PCDH15: variants seen among roughly 807,000 people sequenced by gnomAD.
The protein encoded by PCDH15 is protocadherin related 15, also known as protocadherin-15.
In PCDH15, 129 loss-of-function variants were observed where a neutral mutation model predicts 178.5. That is an observed-to-expected ratio of 0.72 (90% CI 0.63 to 0.84). The LOEUF is 0.84. Among genes scored for constraint, PCDH15 ranks in the 40% least tolerant of loss-of-function variants. The pLI is 0.00. For synonymous variants in PCDH15, 800 were observed against 732.0 expected (o/e 1.09, Z -1.50); for missense variants, 2,230 against 2,099.9 (o/e 1.06, Z -1.21).
At chr10:54,845,550 C>T (rs796585536) in intron 3 of PCDH15, among the ~76,000 whole-genome samples, 16 of 152,128 alleles carry the variant, frequency 1.1e-4, no homozygotes, top group African/African-American at 3.6e-4. Context: ...TGTAATTGGG[C>T]AGGGAATAGC....
chr10:54,741,705 T>TTGGCTCA (rs1944828046), intron 1 of PCDH15, among the ~76,000 whole-genome samples: 1 of 152,074 alleles, frequency 6.6e-6, no homozygotes, highest in African/African-American at 2.4e-5. Flanking sequence ...GTCACATTGC[T>TTGGCTCA]TGGCTCATGG....
At chr10:54,674,127 A>C (rs1451756939) in intron 1 of PCDH15, among the ~76,000 whole-genome samples, 1 of 152,190 alleles carries the variant, frequency 6.6e-6, no homozygotes, top group Non-Finnish European at 1.5e-5. Context: ...CATTCTATAC[A>C]TATAACTTTT....
At chr10:53,839,737 TTTTC>T (rs201924631) in intron 29 of PCDH15, among the ~76,000 whole-genome samples, 3,466 of 152,190 alleles carry the variant, frequency 0.023, 59 homozygotes, top group African/African-American at 0.039. Context: ...AGTAGCAGGA[TTTTC>T]TTTAAGATTC....
intron 1 of PCDH15, among the ~76,000 whole-genome samples, chr10:54,684,406 G>A: frequency 6.6e-6 from 1 of 151,788 alleles, no homozygotes; most frequent in African/African-American, 2.4e-5. Flanking sequence ...TTTACTATTT[G>A]GATGTTTACA....
chr10:54,612,598 A>T (rs2134267060), intron 2 of PCDH15, among the ~76,000 whole-genome samples: 1 of 151,862 alleles, frequency 6.6e-6, no homozygotes, highest in Admixed American at 6.6e-5. Flanking sequence ...TGAAAAACAA[A>T]CTGCAGAATA....
intron 1 of PCDH15, among the ~76,000 whole-genome samples, chr10:55,229,824 T>C (rs1388746384): frequency 1.3e-5 from 2 of 152,010 alleles, no homozygotes; most frequent in African/African-American, 4.8e-5. Context: ...GGGGTTCTAG[T>C]TTGAGCAGAC....
At position 54,811,740 on chromosome 10, in the gene PCDH15, A is replaced by G. The variant is rs146070819; in HGVS notation, c.-29+85710T>C. Among the ~76,000 whole-genome samples the G allele has an allele frequency of 3.2e-3, 491 of 152,296 alleles. 1 individual carries two copies. The highest frequency in any genetic ancestry group is 0.011 in the African/African-American group (462 of 41,556). On this transcript the variant is annotated intron_variant, in intron 3 of 5. Transcript: ENST00000458638. The stretch of plus-strand genomic sequence containing the variant: ...CGCCTCCGCCTCCCAAACTGCTGGG[A>G]TTACAGGCGTGAGCCACCGCACCTG...
rs558193227 is a variant in PCDH15, at chr10:54,967,457, AT to A, written c.-79-69958del. Reference sequence around the variant, plus strand: ...TTCTTTTGCCAATGTAACAGTATTGATTTTTTTATAATTACATATAAATAAA... The same window carrying A: ...TTCTTTTGCCAATGTAACAGTATTGATTTTTTATAATTACATATAAATAAA... On this transcript the variant is annotated intron_variant, in intron 2 of 5. Transcript: ENST00000458638. 6.9e-4 allele frequency among the ~76,000 whole-genome samples: 105 copies of A among 152,162 alleles called. 1 individual carries two copies. Among genetic ancestry groups the A allele is most frequent in the Non-Finnish European group, 4.9e-4 (33 of 67,966 alleles).
At chr10:54,244,515 A>G (rs1287828551) in intron 8 of PCDH15, among the ~76,000 whole-genome samples, 2 of 152,218 alleles carry the variant, frequency 1.3e-5, no homozygotes, top group African/African-American at 2.4e-5. Flanking sequence ...CACGCTGTCC[A>G]AGTGACAAAG....
At chr10:54,947,194 C>T (rs191133202) in intron 2 of PCDH15, among the ~76,000 whole-genome samples, 3 of 151,984 alleles carry the variant, frequency 2.0e-5, no homozygotes, top group East Asian at 1.9e-4. Context: ...TTCTAGAGTA[C>T]TTACCATAAC....
chr10:55,271,267 A>T (rs1169453259), intron 1 of PCDH15, among the ~76,000 whole-genome samples: 5 of 152,114 alleles, frequency 3.3e-5, no homozygotes, highest in African/African-American at 1.2e-4. Context: ...GTTGAATTTT[A>T]AAAAAGACAA....
chr10:55,221,594 C>T (rs1840877547), intron 1 of PCDH15, among the ~76,000 whole-genome samples: 1 of 152,028 alleles, frequency 6.6e-6, no homozygotes, highest in South Asian at 2.1e-4. Context: ...AATTACCACA[C>T]TCTCTCATAA....
At position 55,543,457 on chromosome 10, in the gene PCDH15, T is replaced by C. The variant is rs567864566; in HGVS notation, c.-156+84168A>G. Reference sequence around the variant, plus strand: ...ATATAATAGTTGTTCATAGAAATGCTGAATAGTAGTAATATTTAGCTAATC... The same window carrying C: ...ATATAATAGTTGTTCATAGAAATGCCGAATAGTAGTAATATTTAGCTAATC... On this transcript the variant is annotated intron_variant, in intron 2 of 5. Coordinates refer to the PCDH15 transcript ENST00000613346. Among the ~76,000 whole-genome samples, 8 of 151,088 alleles carry C rather than the reference T, an allele frequency of 5.3e-5. No individual in the cohort carries two copies. In the South Asian group the frequency reaches 1.7e-3, roughly 31 times the overall value.
intron 2 of PCDH15, among the ~76,000 whole-genome samples, chr10:55,557,563 T>C (rs1842115854): frequency 6.6e-6 from 1 of 152,122 alleles, no homozygotes; most frequent in Non-Finnish European, 1.5e-5. Context: ...CATCTCTCAT[T>C]ATCTTACTAT....
chr10:54,367,007 T>A (rs1159205897), intron 5 of PCDH15, among the ~76,000 whole-genome samples: 1 of 152,134 alleles, frequency 6.6e-6, no homozygotes, highest in East Asian at 1.9e-4. Flanking sequence ...GTTTAGGGTT[T>A]GAAGAAATTG....
At chr10:53,986,975 C>T (rs1299029421) in intron 21 of PCDH15, among the ~76,000 whole-genome samples, 1 of 152,184 alleles carries the variant, frequency 6.6e-6, no homozygotes, top group Non-Finnish European at 1.5e-5. Flanking sequence ...TGAAACCAGA[C>T]ATTCTTGCTC....
chr10:53,812,509 G>A (rs1404182746), intron 35 of PCDH15, among the ~76,000 whole-genome samples: 1 of 151,970 alleles, frequency 6.6e-6, no homozygotes, highest in African/African-American at 2.4e-5. Flanking sequence ...CACTGTGCCT[G>A]GCCTCTAAAT....
chr10:54,017,465 G>A (rs1048224173), intron 20 of PCDH15, among the ~76,000 whole-genome samples: 1 of 152,106 alleles, frequency 6.6e-6, no homozygotes, highest in Non-Finnish European at 1.5e-5. Flanking sequence ...CCATAAAAAA[G>A]AATAAAACCA....
At chr10:54,958,307 G>A (rs931818028) in intron 2 of PCDH15, among the ~76,000 whole-genome samples, 18 of 151,728 alleles carry the variant, frequency 1.2e-4, no homozygotes, top group African/African-American at 4.3e-4. Context: ...GAAGGATAAA[G>A]AGAAAATTGG....
Sources: allele counts gnomAD v4.1 joint callset (sites outside exome capture counted in the v4.1 genomes callset), GRCh38; gene constraint gnomAD v4.1.1; transcripts MANE v1.5; gene names NCBI Gene and HGNC (gene_info 2026-07-23, HGNC 2026-07-21).